Variants in FBXL13 observed in about 807,000 individuals in gnomAD.
FBXL13 encodes F-box and leucine-rich repeat protein 13.
A neutral mutation model predicts 83.6 loss-of-function variants in FBXL13; 67 were observed. The observed-to-expected ratio is 0.80, with a 90% CI of 0.66 to 0.98. FBXL13 has a LOEUF of 0.98. Ranked by LOEUF, FBXL13 falls within the 50% of genes least tolerant of loss-of-function variation. The probability of loss-of-function intolerance (pLI) is 0.00; values close to 1 mark genes in which losing one functional copy is unlikely to be tolerated. For missense variants in FBXL13, 822 were observed against 866.5 expected (o/e 0.95, Z 0.64); for synonymous variants, 272 against 299.5 (o/e 0.91, Z 0.95).
At chr7:102,873,920 A>T (rs1401971115) in intron 16 of FBXL13, among the ~76,000 whole-genome samples, 2 of 152,170 alleles carry the variant, frequency 1.3e-5, no homozygotes, top group Non-Finnish European at 2.9e-5. Flanking sequence ...CACACTCATC[A>T]TACTTTGTAA....
At chr7:103,016,513 G>A (rs545806509) in intron 6 of FBXL13, among the ~76,000 whole-genome samples, 4 of 152,088 alleles carry the variant, frequency 2.6e-5, no homozygotes, top group Non-Finnish European at 5.9e-5. Flanking sequence ...AGCGAGAGCC[G>A]AAGCAGGGCA....
At chr7:103,060,294 C>T (rs565725543) in intron 1 of FBXL13, among the ~76,000 whole-genome samples, 123 of 151,712 alleles carry the variant, frequency 8.1e-4, no homozygotes, top group Non-Finnish European at 1.4e-3. Context: ...CTTAAGTGAT[C>T]GTCCTTCCTC....
At chr7:103,060,925 G>A (rs958990888) in intron 1 of FBXL13, among the ~76,000 whole-genome samples, 4 of 152,164 alleles carry the variant, frequency 2.6e-5, no homozygotes, top group Non-Finnish European at 5.9e-5. Context: ...CCTGTGGGAC[G>A]GAGATGGAGG....
chr7:103,019,930 T>C (rs1027006408), intron 6 of FBXL13, among the ~76,000 whole-genome samples: 1 of 152,150 alleles, frequency 6.6e-6, no homozygotes, highest in Non-Finnish European at 1.5e-5. Context: ...TCTGAAACTA[T>C]TCCAATCAAC....
At chr7:102,882,091 A>G (rs1448317604) in intron 14 of FBXL13, among the ~76,000 whole-genome samples, 1 of 151,852 alleles carries the variant, frequency 6.6e-6, no homozygotes, top group East Asian at 1.9e-4. Context: ...TGAGACCCCG[A>G]CTCTAGAAAA....
At chr7:102,922,808 T>TA (rs1490451352) in intron 10 of FBXL13, among the ~76,000 whole-genome samples, 5 of 150,850 alleles carry the variant, frequency 3.3e-5, no homozygotes, top group Non-Finnish European at 5.9e-5. Flanking sequence ...CCGTCTCTAC[T>TA]AAAAATACAA....
intron 10 of FBXL13, among the ~76,000 whole-genome samples, chr7:102,916,150 AT>A (rs1053258921): frequency 6.6e-6 from 1 of 151,580 alleles, no homozygotes; most frequent in Non-Finnish European, 1.5e-5. Context: ...CGCCTGGCTA[AT>A]TTTTTTTGTA....
rs1261823399 is a variant in FBXL13, at chr7:102,834,094, G to GGAAGGAAGGAAGGA, written c.1720-1121_1720-1120insTCCTTCCTTCCTTC. 8.9e-4 allele frequency among the ~76,000 whole-genome samples: 77 copies of GGAAGGAAGGAAGGA among 86,718 alleles called. 2 individuals carry two copies. Among genetic ancestry groups the GGAAGGAAGGAAGGA allele is most frequent in the South Asian group, 3.1e-3 (8 of 2,614 alleles). 56.9% of individuals were successfully genotyped at this position (86,718 alleles called of 152,430 possible). On this transcript the variant is annotated intron_variant, in intron 17 of 19. Transcript: ENST00000313221. ...GAAGGAAGGAAGGAAAGAAAAGAAA[G>GGAAGGAAGGAAGGA]AAAGAAAGAAAGAAAGAAAGAAAGA...
At chr7:102,908,570 T>C (rs1814132971) in intron 11 of FBXL13, among the ~76,000 whole-genome samples, 1 of 152,226 alleles carries the variant, frequency 6.6e-6, no homozygotes, top group Admixed American at 6.5e-5. Context: ...TTCCAGATAT[T>C]TGAAAGGACT....
At chr7:102,972,096 C>A (rs778271482) in intron 6 of FBXL13, among the ~76,000 whole-genome samples, 5 of 150,810 alleles carry the variant, frequency 3.3e-5, no homozygotes, top group Non-Finnish European at 7.4e-5. Context: ...GGACCCTTCA[C>A]AAAGGAACTT....
At chr7:103,072,158 G>A (rs1799025425) in intron 1 of FBXL13, among the ~76,000 whole-genome samples, 1 of 151,804 alleles carries the variant, frequency 6.6e-6, no homozygotes, top group South Asian at 2.1e-4. Context: ...ACTCTAGACT[G>A]GGCGACAGAG....
intron 14 of FBXL13, among the ~76,000 whole-genome samples, chr7:102,880,097 C>A (rs1033768185): frequency 3.3e-5 from 5 of 152,100 alleles, no homozygotes; most frequent in African/African-American, 9.7e-5. Context: ...TTTAATTTAT[C>A]TTTTTGTTGC....
chr7:102,849,611 C>A (rs935594716), intron 17 of FBXL13, among the ~76,000 whole-genome samples: 2 of 152,304 alleles, frequency 1.3e-5, no homozygotes, highest in South Asian at 4.1e-4. Flanking sequence ...AATTTACTCA[C>A]TTTATTTTAT....
chr7:102,939,311 T>C, intron 8 of FBXL13: 1 of 796,890 alleles, frequency 1.3e-6, no homozygotes, highest in Non-Finnish European at 1.9e-6. Flanking sequence ...TCTTTGGCTT[T>C]AGATATCCCT....
Position 102,912,610 on chromosome 7 carries a change from AT to A in FBXL13, c.1008+475del, listed in dbSNP as rs1275670769. Among the ~76,000 whole-genome samples the A allele has an allele frequency of 2.7e-5, 4 of 147,302 alleles. No individual in the cohort carries two copies. In the Admixed American group the frequency reaches 2.8e-4, roughly 10 times the overall value. On this transcript the variant is annotated intron_variant, in intron 11 of 19. Transcript: ENST00000313221. ...TTATTCAGCCCAACGGTGTAATGCA[AT>A]TTTTTAAATTATGAGTTTTTGTTGT...
intron 16 of FBXL13, among the ~76,000 whole-genome samples, chr7:102,866,781 G>A (rs1166361795): frequency 6.6e-6 from 1 of 152,178 alleles, no homozygotes; most frequent in Admixed American, 6.5e-5. Flanking sequence ...GTTTGGTTAA[G>A]AGGAAGGAAA....
intron 8 of FBXL13, among the ~76,000 whole-genome samples, chr7:102,948,065 CTT>C (rs545946981): frequency 5.5e-4 from 77 of 140,732 alleles, no homozygotes; most frequent in African/African-American, 1.1e-3. Flanking sequence ...TAATGAGGAT[CTT>C]TTTTTTTTTT....
intron 11 of FBXL13, among the ~76,000 whole-genome samples, chr7:102,910,855 C>T (rs529046531): frequency 3.3e-5 from 5 of 152,314 alleles, no homozygotes; most frequent in African/African-American, 1.2e-4. Flanking sequence ...ATCTCCCAAA[C>T]TCAGTCAATC....
At chr7:102,894,789 T>A (rs1019829701) in intron 11 of FBXL13, among the ~76,000 whole-genome samples, 6 of 151,656 alleles carry the variant, frequency 4.0e-5, no homozygotes, top group African/African-American at 1.2e-4. Flanking sequence ...ATTTCATAGC[T>A]TCCTAGGCAC....
Sources: gnomAD v4.1 joint callset for allele counts (sites outside exome capture counted in the v4.1 genomes callset) on GRCh38, gnomAD v4.1.1 for gene constraint, MANE v1.5 for transcripts, NCBI Gene and HGNC (gene_info 2026-07-23, HGNC 2026-07-21) for gene names.